ERBB4: variants seen among roughly 807,000 people sequenced by gnomAD.
ERBB4 encodes erb-b2 receptor tyrosine kinase 4, also known as receptor tyrosine-protein kinase erbB-4.
In ERBB4, 42 loss-of-function variants were observed where a neutral mutation model predicts 158.0. The ratio of observed to expected loss-of-function variants is 0.27; its 90% CI spans 0.21 to 0.34. The LOEUF (loss-of-function observed/expected upper bound fraction) is 0.34, where lower values mean the gene tolerates loss of function less well. Among genes scored for constraint, ERBB4 ranks in the 10% least tolerant of loss-of-function variants. The pLI, the probability that ERBB4 is intolerant of heterozygous loss-of-function variation, is 1.00. For missense variants in ERBB4, 1,333 were observed against 1,624.1 expected (o/e 0.82, Z 3.08); for synonymous variants, 583 against 558.7 (o/e 1.04, Z -0.61).
intron 20 of ERBB4, among the ~76,000 whole-genome samples, chr2:211,526,002 T>G (rs1417521595): frequency 1.3e-5 from 2 of 152,134 alleles, no homozygotes; most frequent in Non-Finnish European, 2.9e-5. Flanking sequence ...GGATGCCTAC[T>G]GCCCATGGCC....
intron 1 of ERBB4, among the ~76,000 whole-genome samples, chr2:212,187,577 A>G (rs1180599155): frequency 6.6e-6 from 1 of 152,134 alleles, no homozygotes; most frequent in Non-Finnish European, 1.5e-5. Flanking sequence ...AGTAAATTTG[A>G]AAACAAGAAT....
intron 1 of ERBB4, among the ~76,000 whole-genome samples, chr2:212,257,710 A>T (rs1362652179): frequency 6.6e-6 from 1 of 152,126 alleles, no homozygotes; most frequent in African/African-American, 2.4e-5. Context: ...ATAAAATTCA[A>T]CTCTCTTAAT....
intron 1 of ERBB4, among the ~76,000 whole-genome samples, chr2:212,227,220 G>C (rs1002538312): frequency 4.7e-5 from 7 of 147,846 alleles, no homozygotes; most frequent in African/African-American, 1.8e-4. Flanking sequence ...ATTCCAGCAT[G>C]GGCGACAGAA....
intron 3 of ERBB4, among the ~76,000 whole-genome samples, chr2:211,876,506 T>C (rs1233291896): frequency 1.3e-5 from 2 of 152,198 alleles, no homozygotes; most frequent in African/African-American, 4.8e-5. Context: ...ATAGATACTT[T>C]TCCCTCATGA....
At chr2:212,395,369 G>A (rs1339211397) in intron 1 of ERBB4, among the ~76,000 whole-genome samples, 2 of 151,670 alleles carry the variant, frequency 1.3e-5, no homozygotes, top group African/African-American at 4.8e-5. Context: ...AATTGGCTGT[G>A]AGCTTATAAG....
chr2:211,871,507 TAAA>T (rs547311934), intron 3 of ERBB4, among the ~76,000 whole-genome samples: 1 of 139,936 alleles, frequency 7.1e-6, no homozygotes, highest in African/African-American at 2.6e-5. Flanking sequence ...GCTTTGGCAT[TAAA>T]AAAAAAAAAA....
Position 211,913,734 on chromosome 2 carries a change from C to T in ERBB4, c.421+33696G>A, listed in dbSNP as rs140241847. On this transcript the variant is annotated intron_variant, in intron 3 of 27. Transcript: ENST00000342788. Reference sequence around the variant, plus strand: ...ATAAAATTTGGTATAGTGTCTATCACGTATGGGCCTTTCTTATTATTTGAA... The same window carrying T: ...ATAAAATTTGGTATAGTGTCTATCATGTATGGGCCTTTCTTATTATTTGAA... 1.2e-3 allele frequency among the ~76,000 whole-genome samples: 175 copies of T among 149,874 alleles called. 1 individual carries two copies. Among genetic ancestry groups the T allele is most frequent in the Middle Eastern group, 6.9e-3 (2 of 290 alleles).
At chr2:211,942,187 G>A (rs1175919224) in intron 3 of ERBB4, among the ~76,000 whole-genome samples, 2 of 152,092 alleles carry the variant, frequency 1.3e-5, no homozygotes, top group Admixed American at 1.3e-4. Flanking sequence ...AGACTTAAAT[G>A]TGAAAAGGTA....
chr2:211,965,632 A>G (rs1365420507), intron 2 of ERBB4, among the ~76,000 whole-genome samples: 1 of 152,192 alleles, frequency 6.6e-6, no homozygotes, highest in Non-Finnish European at 1.5e-5. Flanking sequence ...AGTTGATACT[A>G]TTTCCAGAGG....
At position 212,314,559 on chromosome 2, in the gene ERBB4, T is replaced by TA. The variant is rs1161126029; in HGVS notation, c.83-189657_83-189656insT. 1.1e-4 allele frequency among the ~76,000 whole-genome samples: 16 copies of TA among 151,204 alleles called. No individual in the cohort carries two copies. The South Asian group carries it at 2.7e-3, about 25-fold the overall frequency. On this transcript the variant is annotated intron_variant, in intron 1 of 27. Coordinates refer to ENST00000342788, the MANE Select transcript of ERBB4 (RefSeq NM_005235.3). ...CAATTCTACTAAGCAGTATAGAATT[T>TA]TAAAAAAAATCCAAAATAACCATAT...
intron 3 of ERBB4, among the ~76,000 whole-genome samples, chr2:211,790,063 A>G (rs2076246900): frequency 6.6e-6 from 1 of 152,096 alleles, no homozygotes; most frequent in Admixed American, 6.6e-5. Context: ...TGACCTAACC[A>G]TACAACCTTC....
At chr2:212,390,916 AAT>A (rs1253626719) in intron 1 of ERBB4, among the ~76,000 whole-genome samples, 1 of 151,882 alleles carries the variant, frequency 6.6e-6, no homozygotes, top group Non-Finnish European at 1.5e-5. Flanking sequence ...GTTAAATAAA[AAT>A]AGTTATTTTC....
intron 1 of ERBB4, among the ~76,000 whole-genome samples, chr2:212,483,840 C>T (rs998749671): frequency 3.4e-4 from 52 of 152,232 alleles, no homozygotes; most frequent in African/African-American, 1.3e-3. Flanking sequence ...GGGTTCACGC[C>T]ATTCTCCTGC....
intron 2 of ERBB4, among the ~76,000 whole-genome samples, chr2:212,003,212 AGAAGGAAGGAAGGAAG>A (rs201981636): frequency 2.5e-5 from 1 of 40,484 alleles, no homozygotes; most frequent in African/African-American, 6.4e-5. Flanking sequence ...AAAGACAGAA[AGAAGGAAGGAAGGAAG>A]GAAGGAAGGA....
At chr2:211,811,446 AT>A (rs2076754915) in intron 3 of ERBB4, among the ~76,000 whole-genome samples, 1 of 150,524 alleles carries the variant, frequency 6.6e-6, no homozygotes. Flanking sequence ...TGCCCTTAAC[AT>A]TTTTTGTTTC....
intron 1 of ERBB4, among the ~76,000 whole-genome samples, chr2:212,275,164 G>A (rs781423637): frequency 6.6e-6 from 1 of 151,852 alleles, no homozygotes; most frequent in African/African-American, 2.4e-5. Context: ...TCTTTATCCA[G>A]TCTATCATTG....
intron 19 of ERBB4, among the ~76,000 whole-genome samples, chr2:211,563,741 A>G (rs1000338395): frequency 2.0e-5 from 3 of 152,096 alleles, no homozygotes; most frequent in African/African-American, 2.4e-5. Flanking sequence ...TCTGCCATTT[A>G]CTTTCAAATA....
intron 16 of ERBB4, among the ~76,000 whole-genome samples, chr2:211,654,262 T>G (rs1218077098): frequency 6.6e-6 from 1 of 152,186 alleles, no homozygotes; most frequent in African/African-American, 2.4e-5. Flanking sequence ...AAATCCTTCA[T>G]GTAAATGTCA....
chr2:211,970,617 A>G (rs1056112200), intron 2 of ERBB4, among the ~76,000 whole-genome samples: 2 of 152,114 alleles, frequency 1.3e-5, no homozygotes, highest in Non-Finnish European at 2.9e-5. Context: ...TGAATTTTTT[A>G]CCACTATGTA....
Sources: allele counts gnomAD v4.1 joint callset (sites outside exome capture counted in the v4.1 genomes callset), GRCh38; gene constraint gnomAD v4.1.1; transcripts MANE v1.5; gene names NCBI Gene and HGNC (gene_info 2026-07-23, HGNC 2026-07-21).